The following PTPRN2 variants were observed in gnomAD, a reference collection of about 807,000 sequenced individuals.
The protein encoded by PTPRN2 is receptor-type tyrosine-protein phosphatase N2.
A neutral mutation model predicts 118.8 loss-of-function variants in PTPRN2; 74 were observed. The ratio of observed to expected loss-of-function variants is 0.62; its 90% CI spans 0.52 to 0.76. PTPRN2 has a LOEUF of 0.76. Among genes scored for constraint, PTPRN2 ranks in the 30% least tolerant of loss-of-function variants. PTPRN2 has a pLI of 0.00. For synonymous variants in PTPRN2, 641 were observed against 608.0 expected, an observed-to-expected ratio of 1.05 and a Z score of -0.80; for missense variants, 1,481 against 1,394.4, an observed-to-expected ratio of 1.06 and a Z score of -0.99.
chr7:158,472,012 G>A lies in PTPRN2; in HGVS notation c.163+17723C>T, dbSNP rs571915572. 5.8e-3 allele frequency among the ~76,000 whole-genome samples: 882 copies of A among 151,906 alleles called. 13 individuals carry two copies. Among genetic ancestry groups the A allele is most frequent in the African/African-American group, 0.02 (810 of 41,366 alleles). ...CCGGCCCCGCCACGGTTCCGGCCTC[G>A]CCACGGTTCCTGCCCCACCACGGTT... On this transcript the variant is annotated intron_variant, in intron 2 of 22. Coordinates refer to ENST00000389418, the MANE Select transcript of PTPRN2 (RefSeq NM_002847.5).
intron 2 of PTPRN2, among the ~76,000 whole-genome samples, chr7:158,472,900 C>T (rs557053697): frequency 3.9e-5 from 6 of 152,204 alleles, no homozygotes; most frequent in Admixed American, 2.0e-4. Flanking sequence ...CTAGAGAACC[C>T]GGCTGCAAAT....
At chr7:157,952,150 G>T (rs754860840) in intron 11 of PTPRN2, among the ~76,000 whole-genome samples, 1 of 152,170 alleles carries the variant, frequency 6.6e-6, no homozygotes, top group Admixed American at 6.5e-5. Flanking sequence ...GAAGCCTCTC[G>T]GGCTGGGCAG....
rs546239524 is a variant in PTPRN2, at chr7:157,587,690, G to A, written c.2496+7548C>T. On this transcript the variant is annotated intron_variant, in intron 17 of 22. Coordinates refer to ENST00000389418, the MANE Select transcript of PTPRN2 (RefSeq NM_002847.5). The surrounding 1 kb of genome is among the most constrained non-coding windows in gnomAD (Gnocchi z 5.3). The stretch of plus-strand genomic sequence containing the variant: ...GGGACACCTGCTGACTTCAGCGAGC[G>A]CTTTGTGCTCTCTCTGGGGGCCAGG... 1.2e-4 allele frequency among the ~76,000 whole-genome samples: 18 copies of A among 152,230 alleles called. No homozygotes were observed. The highest frequency in any genetic ancestry group is 2.6e-4 in the Non-Finnish European group (18 of 68,034).
chr7:158,078,988 G>A (rs754150590), intron 11 of PTPRN2, among the ~76,000 whole-genome samples: 7 of 152,010 alleles, frequency 4.6e-5, no homozygotes, highest in Non-Finnish European at 7.4e-5. Flanking sequence ...GCTGAGGTTT[G>A]AGCCACCACA....
chr7:158,507,503 C>A (rs55888912), intron 1 of PTPRN2, among the ~76,000 whole-genome samples: 1 of 151,412 alleles, frequency 6.6e-6, no homozygotes, highest in Non-Finnish European at 1.5e-5. Context: ...CAGGGGACAG[C>A]CCTGCGCTGG....
chr7:157,880,981 C>T (rs1008127494), intron 12 of PTPRN2, among the ~76,000 whole-genome samples: 2 of 152,210 alleles, frequency 1.3e-5, no homozygotes, highest in African/African-American at 4.8e-5. Flanking sequence ...TGAGTCTCTC[C>T]AAAGTGCCTA....
At chr7:158,007,594 G>A (rs1168930934) in intron 11 of PTPRN2, among the ~76,000 whole-genome samples, 5 of 152,178 alleles carry the variant, frequency 3.3e-5, no homozygotes, top group Non-Finnish European at 5.9e-5. Context: ...TGGAGGAAGC[G>A]CCAGGTGCAT....
At chr7:157,592,395 CT>C (rs2150557575) in intron 17 of PTPRN2, among the ~76,000 whole-genome samples, 1 of 152,322 alleles carries the variant, frequency 6.6e-6, no homozygotes, top group Admixed American at 6.5e-5. Flanking sequence ...GACCCAGCAC[CT>C]GCTGAACGGA....
At chr7:157,709,686 C>G (rs1032788691) in intron 12 of PTPRN2, among the ~76,000 whole-genome samples, 1 of 152,236 alleles carries the variant, frequency 6.6e-6, no homozygotes, top group Non-Finnish European at 1.5e-5. Flanking sequence ...CACGCCTGCT[C>G]CAGGAGCTGC....
intron 12 of PTPRN2, among the ~76,000 whole-genome samples, chr7:157,791,874 A>G (rs1482102698): frequency 6.6e-6 from 1 of 152,224 alleles, no homozygotes; most frequent in East Asian, 1.9e-4. Flanking sequence ...AGCGCACCCA[A>G]GAGGGCAGAT....
chr7:158,553,847 T>A (rs1296276870), intron 1 of PTPRN2, among the ~76,000 whole-genome samples: 1 of 150,898 alleles, frequency 6.6e-6, no homozygotes, highest in African/African-American at 2.4e-5. Flanking sequence ...AACACATGCA[T>A]TTGGAGGGCT....
rs1231959813 is a variant in PTPRN2 at position 158,333,174 on chromosome 7, T to C, written c.164-16242A>G. Among the ~76,000 whole-genome samples the C allele has an allele frequency of 7.4e-4, 76 of 103,250 alleles. 1 individual carries two copies. Among genetic ancestry groups the C allele is most frequent in the African/African-American group, 3.0e-3 (64 of 21,254 alleles). The allele number at this position is 103,250 out of a possible 152,430, so 67.7% of individuals were successfully genotyped here. The stretch of plus-strand genomic sequence containing the variant: ...CCATAAGAGGTGACACCTGCAGACG[T>C]CACTCAAACCCACACTCTCACCATA... On this transcript the variant is annotated intron_variant, in intron 2 of 22. Transcript: ENST00000389418.
intron 3 of PTPRN2, among the ~76,000 whole-genome samples, chr7:158,306,753 A>G (rs990002726): frequency 1.3e-5 from 2 of 152,250 alleles, no homozygotes; most frequent in African/African-American, 2.4e-5. Context: ...GAGGCATTCA[A>G]AGAAACATGC....
intron 6 of PTPRN2, among the ~76,000 whole-genome samples, chr7:158,141,169 G>C (rs573979178): frequency 1.3e-5 from 2 of 152,184 alleles, no homozygotes; most frequent in Admixed American, 1.3e-4. Context: ...GCCCTAGAGG[G>C]ATCTCGGCAC....
At chr7:157,564,293 A>G (rs1799375003) in intron 21 of PTPRN2, among the ~76,000 whole-genome samples, 4 of 152,110 alleles carry the variant, frequency 2.6e-5, no homozygotes, top group Admixed American at 2.6e-4. Context: ...TAATGTTTGT[A>G]TTTTTAGTAG....
Position 158,062,532 on chromosome 7 carries a change from GGCCTGA to G in PTPRN2, c.1723+18760_1723+18765del, listed in dbSNP as rs1810424009. 8.5e-5 allele frequency among the ~76,000 whole-genome samples: 13 copies of G among 152,314 alleles called. No homozygotes were observed. In the South Asian group the frequency reaches 2.7e-3, roughly 32 times the overall value. Reference sequence around the variant, plus strand: ...GGGAGCCCCTCTCTGGGCTGGCCAAGGCCTGAGCCGGCTCCCTCTGCTTGTGGGGAG... The same window carrying G: ...GGGAGCCCCTCTCTGGGCTGGCCAAGGCCGGCTCCCTCTGCTTGTGGGGAG... On this transcript the variant is annotated intron_variant, in intron 11 of 22. Coordinates refer to ENST00000389418, the MANE Select transcript of PTPRN2 (RefSeq NM_002847.5).
intron 1 of PTPRN2, among the ~76,000 whole-genome samples, chr7:158,508,015 G>A (rs1822891817): frequency 1.3e-5 from 2 of 149,434 alleles, no homozygotes; most frequent in African/African-American, 5.0e-5. Flanking sequence ...CATACACAGA[G>A]GTCAGTGAGG....
intron 11 of PTPRN2, among the ~76,000 whole-genome samples, chr7:157,934,545 T>C (rs1435294843): frequency 6.6e-6 from 1 of 152,118 alleles, no homozygotes; most frequent in Non-Finnish European, 1.5e-5. Context: ...TTTCCCACTA[T>C]AGTATAGAAC....
intron 11 of PTPRN2, among the ~76,000 whole-genome samples, chr7:157,950,074 A>G (rs1457537542): frequency 6.6e-6 from 1 of 152,232 alleles, no homozygotes; most frequent in Non-Finnish European, 1.5e-5. Flanking sequence ...CTTGGTAAAA[A>G]AATTTAAAAT....
Sources: allele counts gnomAD v4.1 joint callset (sites outside exome capture counted in the v4.1 genomes callset), GRCh38; gene constraint gnomAD v4.1.1; non-coding constraint Gnocchi (gnomAD v3.1); transcripts MANE v1.5; gene names NCBI Gene and HGNC (gene_info 2026-07-23, HGNC 2026-07-21).